WDR87: variants seen among roughly 807,000 people sequenced by gnomAD.
WDR87 encodes WD repeat-containing protein 87.
In WDR87, 56 loss-of-function variants were observed where a neutral mutation model predicts 83.3. That is an observed-to-expected ratio of 0.67 (90% confidence interval 0.54 to 0.84). The LOEUF is 0.84. Ranked by LOEUF, WDR87 falls within the 40% of genes least tolerant of loss-of-function variation. WDR87 has a pLI of 0.00. For missense variants in WDR87, 2,939 were observed against 3,431.9 expected, an observed-to-expected ratio of 0.86 and a Z score of 3.59; for synonymous variants, 1,173 against 1,250.6, an observed-to-expected ratio of 0.94 and a Z score of 1.31.
At chr19:37,903,527 A>G (rs76351031) in intron 1 of WDR87, among the ~76,000 whole-genome samples, 1 of 152,106 alleles carries the variant, frequency 6.6e-6, no homozygotes, top group Admixed American at 6.6e-5. Context: ...AGTTTTACAT[A>G]TCTTTTAATT....
Position 37,894,797 on chromosome 19 carries a change from A to T in WDR87, c.906T>A (p.Gly302=). 6.4e-7 allele frequency: 1 copy of T among 1,551,668 alleles called. No homozygotes were observed. The highest frequency in any genetic ancestry group is 8.7e-7 in the Non-Finnish European group (1 of 1,146,988). The change falls in exon 4 of 6, where the codon GGT becomes GGA. Residue 302 remains glycine (G), a synonymous_variant. Coordinates refer to ENST00000447313, the MANE Select transcript of WDR87 (RefSeq NM_001291088.2). Reference sequence around the variant, plus strand: ...TCCACTCCTTGATTAGGCTGTCACTACCAGCTGTTAGCAGGGTGTGGGCCT... The same window carrying T: ...TCCACTCCTTGATTAGGCTGTCACTTCCAGCTGTTAGCAGGGTGTGGGCCT... ...RPEAHTLLTA[G]SDSLIKEWNL... is the part of the protein sequence containing the mutation.
intron 1 of WDR87, among the ~76,000 whole-genome samples, chr19:37,902,384 T>G (rs569712359): frequency 6.6e-6 from 1 of 151,918 alleles, no homozygotes; most frequent in Non-Finnish European, 1.5e-5. Context: ...CCAGCTAATT[T>G]TGTATTTTTT....
intron 2 of WDR87, among the ~76,000 whole-genome samples, 178 bp from the exon 3 acceptor site, chr19:37,896,486 T>G (rs1019285505): frequency 6.6e-6 from 1 of 152,178 alleles, no homozygotes; most frequent in Non-Finnish European, 1.5e-5. Flanking sequence ...TTCACAAGCA[T>G]GTAACAAATC....
In WDR87 at chr19:37,887,200, C is replaced by G; in HGVS notation, c.6471G>C (p.Leu2157=). ...CAGAAAAATCCCACTCTTTGATATC[C>G]AGCTTACTCTGTTCTATACTCAACC... ...ERRLSIEQSK[L]DIKEWDFSEK... Residue 2157 remains leucine, a synonymous_variant, in exon 6 of 6, where the codon CTG becomes CTC. Coordinates refer to ENST00000447313, the MANE Select transcript of WDR87 (RefSeq NM_001291088.2). The G allele has an allele frequency of 6.4e-7, 1 of 1,551,774 alleles. No homozygotes were observed. The highest frequency in any genetic ancestry group is 8.7e-7 in the Non-Finnish European group (1 of 1,147,042).
At chr19:37,896,103 G>T (rs1287616221) in intron 3 of WDR87, 35 bp downstream of exon 3, 8 of 1,550,642 alleles carry the variant, frequency 5.2e-6, no homozygotes, top group Non-Finnish European at 7.0e-6. Flanking sequence ...GGCTCTTGGA[G>T]AATGGGCCAA....
intron 2 of WDR87, among the ~76,000 whole-genome samples, chr19:37,897,787 C>G (rs947220897): frequency 6.6e-6 from 1 of 152,088 alleles, no homozygotes; most frequent in African/African-American, 2.4e-5. Context: ...TGGGAGGCAG[C>G]TGAGGCAGGA....
At position 37,887,014 on chromosome 19, in the gene WDR87, C is replaced by T. The variant is rs1261459205; in HGVS notation, c.6657G>A (p.Glu2219=). 1.9e-6 allele frequency: 3 copies of T among 1,552,056 alleles called. No homozygotes were observed. Among genetic ancestry groups the T allele is most frequent in the Middle Eastern group, 3.3e-4 (2 of 5,998 alleles). Residue 2219 remains glutamate, a synonymous_variant, in exon 6 of 6, where the codon GAG becomes GAA. Transcript: ENST00000447313. The stretch of plus-strand genomic sequence containing the variant: ...CCTCTTCTTCTTCTATTCCTCCTTC[C>T]TCTTCATCATCCAGTATGACTTCTG... ...KHSEVILDDE[E]EGGIEEEEVI...
Position 37,892,623 on chromosome 19 carries a change from G to A in WDR87, c.3080C>T (p.Ser1027Leu). ...TTGTTTTTGGGTCAGCTGTAAGAGT[G>A]AGGTCCTAGAGTGGATTCCAATCTC... ...MAEIGIHSRT[S>L]LLQLTQKQET... The change falls in exon 4 of 6, where the codon TCA (serine) becomes TTA (leucine). Residue 1027 changes from serine to leucine, a missense_variant. Ser to Leu is a moderately radical substitution (Grantham distance 145, BLOSUM62 -2). Coordinates refer to ENST00000447313, the MANE Select transcript of WDR87 (RefSeq NM_001291088.2). 1 of 1,527,590 alleles carries A rather than the reference G, an allele frequency of 6.5e-7. No homozygotes were observed. The highest frequency in any genetic ancestry group is 8.8e-7 in the Non-Finnish European group (1 of 1,130,182). The allele number at this position is 1,527,590 out of a possible 1,614,324, so 94.6% of individuals were successfully genotyped here.
intron 1 of WDR87, among the ~76,000 whole-genome samples, chr19:37,899,433 A>T (rs2046280381): frequency 6.6e-6 from 1 of 150,772 alleles, no homozygotes; most frequent in Non-Finnish European, 1.5e-5. Context: ...AAAAAAAAAA[A>T]AAAGGAAAAA....
In WDR87 at chr19:37,888,504, C is replaced by G. The variant is rs1054158948; in HGVS notation, c.5167G>C (p.Gly1723Arg). ...REEEKLAKKGGKLAEVKNILA... is the reference protein window; with the variant it reads ...REEEKLAKKGRKLAEVKNILA... ...ATGTTTTTCACCTCAGCCAGTTTCC[C>G]TCCTTTCTTTGCTAGTTTCTCTTCT... is the stretch of plus-strand genomic sequence containing the variant. Residue 1723 changes from glycine to arginine, a missense_variant, in exon 6 of 6, where the codon GGG becomes CGG. Around this residue, in one of 3 missense-constraint regions of WDR87, gnomAD observed 2,160 missense variants for 2,533.1 expected, o/e 0.85. Coordinates refer to ENST00000447313, the MANE Select transcript of WDR87 (RefSeq NM_001291088.2). The G allele has an allele frequency of 5.8e-6, 9 of 1,551,562 alleles. No individual in the cohort carries two copies. The African/African-American group carries it at 1.2e-4, about 21-fold the overall frequency.
rs1206355668 is a variant in WDR87, at chr19:37,898,880, T to C, written c.-46-595A>G. ...CAGCAGAGGGCAACGGAGGCCAACC[T>C]TTCCTGCCAGATGTAGAAGAACTTC... On this transcript the variant is annotated intron_variant, in intron 1 of 5. Coordinates refer to ENST00000447313, the MANE Select transcript of WDR87 (RefSeq NM_001291088.2). Among the ~76,000 whole-genome samples, 3 of 152,208 alleles carry C rather than the reference T, an allele frequency of 2.0e-5. No individual in the cohort carries two copies. The East Asian group carries it at 5.8e-4, about 29-fold the overall frequency.
At chr19:37,892,297 T>C (rs1478179677) in intron 4 of WDR87, among the ~76,000 whole-genome samples, 2 of 151,958 alleles carry the variant, frequency 1.3e-5, no homozygotes, top group Non-Finnish European at 2.9e-5. Context: ...GGCAGGAGGA[T>C]TGCTTGAGCC....
At position 37,893,932 on chromosome 19, in the gene WDR87, C is replaced by T. The variant is rs2046230476; in HGVS notation, c.1771G>A (p.Gly591Arg). 1 of 1,551,832 alleles carries T rather than the reference C, an allele frequency of 6.4e-7. No homozygotes were observed. Among genetic ancestry groups the T allele is most frequent in the Non-Finnish European group, 8.7e-7 (1 of 1,147,020 alleles). Residue 591 changes from glycine to arginine, a missense_variant, in exon 4 of 6, where the codon GGG (glycine) becomes AGG (arginine). Gly to Arg is a moderately radical substitution (Grantham distance 125, BLOSUM62 -2). Around this residue, in one of 3 missense-constraint regions of WDR87, gnomAD observed 553 missense variants for 577.9 expected, o/e 0.96. Transcript: ENST00000447313. Reference protein sequence around the residue: ...LWKFHDFLSSGSQNGLKFIET... With the variant: ...LWKFHDFLSSRSQNGLKFIET... ...ATGAATTTCAAGCCATTCTGTGACC[C>T]AGAGGACAGAAAATCATGGAACTTC...
rs11378161 is a variant in WDR87, at chr19:37,899,416, CAAAAAAAAAAA to C, written c.-46-1142_-46-1132del. Among the ~76,000 whole-genome samples the C allele has an allele frequency of 1.1e-4, 9 of 79,258 alleles. No individual in the cohort carries two copies. The East Asian group carries it at 3.0e-3, about 27-fold the overall frequency. The allele number at this position is 79,258 out of a possible 152,430, so 52.0% of individuals were successfully genotyped here. ...CCTGGGAAAGAGTGAGACTCAGTCT[CAAAAAAAAAAA>C]AAAAAAAAAGGAAAAAAAAAGAAAA... On this transcript the variant is annotated intron_variant, in intron 1 of 5. Coordinates refer to ENST00000447313, the MANE Select transcript of WDR87 (RefSeq NM_001291088.2).
chr19:37,889,271 C>T lies in WDR87; in HGVS notation c.4400G>A (p.Ser1467Asn), dbSNP rs1161123279. 6.4e-7 allele frequency: 1 copy of T among 1,551,866 alleles called. No individual in the cohort carries two copies. Among genetic ancestry groups the T allele is most frequent in the East Asian group, 2.4e-5 (1 of 40,902 alleles). Residue 1467 changes from serine (S) to asparagine (N), a missense_variant, in exon 6 of 6, where the codon AGT becomes AAT. Ser to Asn is a conservative substitution (Grantham distance 46). Around this residue, in one of 3 missense-constraint regions of WDR87, gnomAD observed 2,160 missense variants for 2,533.1 expected, o/e 0.85. Transcript: ENST00000447313. ...TGTGGCCATTTCCTCCACTTCCTCACTCATATCCCTCTCTTCTTTGGTCAT... is the reference window on the plus strand; with the variant it reads ...TGTGGCCATTTCCTCCACTTCCTCATTCATATCCCTCTCTTCTTTGGTCAT... ...REMTKEERDM[S>N]EEVEEMATLE... is the part of the protein sequence containing the mutation.
chr19:37,886,638 A>C lies in WDR87; in HGVS notation c.7033T>G (p.Phe2345Val), dbSNP rs1242474456. 1 of 1,523,804 alleles carries C rather than the reference A, an allele frequency of 6.6e-7. No homozygotes were observed. The highest frequency in any genetic ancestry group is 2.5e-5 in the East Asian group (1 of 40,514). The allele number at this position is 1,523,804 out of a possible 1,614,324, so 94.4% of individuals were successfully genotyped here. A position where few individuals can be genotyped will look rare whatever the true frequency, so the allele number is the denominator to read the frequency against. The change falls in exon 6 of 6, where the codon TTT becomes GTT. Residue 2345 changes from phenylalanine (F) to valine (V), a missense_variant. Around this residue, in one of 3 missense-constraint regions of WDR87, gnomAD observed 2,160 missense variants for 2,533.1 expected, o/e 0.85. Transcript: ENST00000447313. ...KEEVQEKEEV[F>V]EEKEEIMSEE... ...CTCATAATTTCTTCTTTCTCCTCAA[A>C]CACTTCTTCCTTCTCCTGAACCTCC...
rs1338909675 is a variant in WDR87, at chr19:37,889,080, C to G, written c.4591G>C (p.Glu1531Gln). 1 of 1,552,146 alleles carries G rather than the reference C, an allele frequency of 6.4e-7. No homozygotes were observed. The highest frequency in any genetic ancestry group is 8.7e-7 in the Non-Finnish European group (1 of 1,147,094). Residue 1531 changes from glutamate (E) to glutamine (Q), a missense_variant, in exon 6 of 6, where the codon GAA becomes CAA. This residue lies in a region of WDR87 where 2,160 missense variants were observed against 2,533.1 expected (regional missense o/e 0.85). Transcript: ENST00000447313. ...CCAGCCTGATGTAGTTTCTCCTCTT[C>G]CTGAAGAAGCCTCTTCTCCCATTCT... ...KEEWEKRLLQEEEKLHQAGEK... is the reference protein window; with the variant it reads ...KEEWEKRLLQQEEKLHQAGEK...
In WDR87 at chr19:37,889,621, C is replaced by A. The variant is rs564396034; in HGVS notation, c.4050G>T (p.Pro1350=). The A allele has an allele frequency of 6.4e-7, 1 of 1,551,702 alleles. No individual in the cohort carries two copies. Among genetic ancestry groups the A allele is most frequent in the Admixed American group, 2.0e-5 (1 of 50,964 alleles). Residue 1350 remains proline, a synonymous_variant, in exon 6 of 6, where the codon CCG becomes CCT. Coordinates refer to ENST00000447313, the MANE Select transcript of WDR87 (RefSeq NM_001291088.2). The stretch of plus-strand genomic sequence containing the variant: ...GGATAAAAATTGGTTTCTTCTCTGG[C>A]GGGACTACATCCCAATCAAGGTCCT... ...LLEDLDWDVV[P]PEKKPIFIQE...
intron 2 of WDR87, 80 bp from the exon 3 acceptor site, chr19:37,896,388 C>A: frequency 1.4e-6 from 2 of 1,464,966 alleles, no homozygotes; most frequent in Non-Finnish European, 1.8e-6. Flanking sequence ...ACAGTTGGAG[C>A]AGTTCCCAAA....
Sources: gnomAD v4.1 joint callset for allele counts (sites outside exome capture counted in the v4.1 genomes callset) on GRCh38, gnomAD v4.1.1 for gene constraint, gnomAD v4.1.1 regional missense constraint, MANE v1.5 for transcripts, NCBI Gene and HGNC (gene_info 2026-07-23, HGNC 2026-07-21) for gene names.